The following TSNARE1 variants were observed in gnomAD, a reference collection of about 807,000 sequenced individuals.
TSNARE1 encodes t-SNARE domain-containing protein 1.
In TSNARE1, 49 loss-of-function variants were observed where a neutral mutation model predicts 62.0. The observed-to-expected ratio is 0.79, with a 90% CI of 0.63 to 1.00. The LOEUF (loss-of-function observed/expected upper bound fraction) is 1.00. Among genes scored for constraint, TSNARE1 ranks in the 50% least tolerant of loss-of-function variants. TSNARE1 has a pLI of 0.00. For missense variants in TSNARE1, 755 were observed against 700.1 expected, an observed-to-expected ratio of 1.08 and a Z score of -0.88; for synonymous variants, 328 against 294.4, an observed-to-expected ratio of 1.11 and a Z score of -1.17.
intron 6 of TSNARE1, among the ~76,000 whole-genome samples, chr8:142,321,041 C>T (rs1829412769): frequency 6.6e-6 from 1 of 152,194 alleles, no homozygotes; most frequent in Non-Finnish European, 1.5e-5. Context: ...GCCTCCTTAC[C>T]CAACCTGGCA....
rs1823818902 is a variant in TSNARE1, at chr8:142,291,880, G to T, written c.1291-7395C>A. ...GCCTGCCCAGGGAACTGTGAGGTGTGGGGTGAGGAATGAGGGAGAGGACAG... is the reference window on the plus strand; with the variant it reads ...GCCTGCCCAGGGAACTGTGAGGTGTTGGGTGAGGAATGAGGGAGAGGACAG... On this transcript the variant is annotated intron_variant, in intron 10 of 13. Transcript: ENST00000524325. This position sits in a 1 kb window ranked among gnomAD's most constrained non-coding sequence, Gnocchi z 4.8. 6.6e-6 allele frequency among the ~76,000 whole-genome samples: 1 copy of T among 152,104 alleles called. No individual in the cohort carries two copies. The highest frequency in any genetic ancestry group is 2.4e-5 in the African/African-American group (1 of 41,428).
Position 142,291,718 on chromosome 8 carries a change from G to A in TSNARE1, c.1291-7233C>T, listed in dbSNP as rs1823785020. On this transcript the variant is annotated intron_variant, in intron 10 of 13. Transcript: ENST00000524325. This position sits in a 1 kb window ranked among gnomAD's most constrained non-coding sequence, Gnocchi z 4.8. ...ACGAGAACCCAACAGTGTGTGGGGG[G>A]CGAGCGTGGGAGCGGCAGGGGTTAG... Among the ~76,000 whole-genome samples the A allele has an allele frequency of 6.6e-6, 1 of 152,316 alleles. No homozygotes were observed. Among genetic ancestry groups the A allele is most frequent in the Non-Finnish European group, 1.5e-5 (1 of 68,024 alleles).
chr8:142,367,620 A>G (rs1274519916), intron 1 of TSNARE1, among the ~76,000 whole-genome samples: 1 of 152,232 alleles, frequency 6.6e-6, no homozygotes, highest in Non-Finnish European at 1.5e-5. Flanking sequence ...ATGAATGTAC[A>G]ACACTGTAAG....
At chr8:142,274,150 G>A (rs753391805) in intron 12 of TSNARE1, 77 of 985,374 alleles carry the variant, frequency 7.8e-5, no homozygotes, top group African/African-American at 8.7e-5. Flanking sequence ...ATCTCTGCCC[G>A]TCAGGGCCAG....
chr8:142,357,019 G>T (rs1370671802), intron 1 of TSNARE1, among the ~76,000 whole-genome samples: 3 of 152,072 alleles, frequency 2.0e-5, no homozygotes, highest in Non-Finnish European at 4.4e-5. Flanking sequence ...GAGCTCCAGA[G>T]AAGGGGCAGG....
intron 9 of TSNARE1, among the ~76,000 whole-genome samples, chr8:142,307,861 C>T (rs910456825): frequency 1.3e-5 from 2 of 152,232 alleles, no homozygotes; most frequent in African/African-American, 4.8e-5. Flanking sequence ...GTGCAACCGC[C>T]TGCACGCAGC....
chr8:142,390,282 C>T (rs887901482), intron 1 of TSNARE1, among the ~76,000 whole-genome samples: 17 of 151,828 alleles, frequency 1.1e-4, no homozygotes, highest in Admixed American at 3.3e-4. Flanking sequence ...GTAACAGACG[C>T]TGTACACTGC....
At chr8:142,238,792 T>TACACCCACCCCTGC (rs1817559352) in intron 12 of TSNARE1, among the ~76,000 whole-genome samples, 1 of 47,104 alleles carries the variant, frequency 2.1e-5, no homozygotes, top group Admixed American at 2.5e-4. Context: ...CCTGCCCCTG[T>TACACCCACCCCTGC]ACACCCACCC....
At chr8:142,248,224 A>G (rs545320838) in intron 12 of TSNARE1, among the ~76,000 whole-genome samples, 1 of 152,328 alleles carries the variant, frequency 6.6e-6, no homozygotes, top group African/African-American at 2.4e-5. Flanking sequence ...CCCAGCCTCC[A>G]GTGCTGTGAG....
Position 142,344,367 on chromosome 8 carries a change from C to T in TSNARE1, c.344G>A (p.Gly115Glu), listed in dbSNP as rs1268827585. The change falls in exon 4 of 14, where the codon GGG (glycine) becomes GAG (glutamate). Residue 115 changes from glycine to glutamate, a missense_variant. Coordinates refer to ENST00000524325, the MANE Select transcript of TSNARE1 (RefSeq NM_145003.5). ...SAAGPHGRMA[G>E]PSTTRAKKRK... Reference sequence around the variant, plus strand: ...CTTCTTGGCCCGGGTAGTGCTGGGCCCCGCCATCCGGCCATGGGGCCCAGC... The same window carrying T: ...CTTCTTGGCCCGGGTAGTGCTGGGCTCCGCCATCCGGCCATGGGGCCCAGC... The T allele has an allele frequency of 1.3e-6, 2 of 1,571,088 alleles. No individual in the cohort carries two copies. The highest frequency in any genetic ancestry group is 8.6e-7 in the Non-Finnish European group (1 of 1,162,622).
intron 12 of TSNARE1, among the ~76,000 whole-genome samples, chr8:142,246,141 G>C (rs1817874881): frequency 6.6e-6 from 1 of 152,284 alleles, no homozygotes; most frequent in East Asian, 1.9e-4. Context: ...GGGTCCCAAA[G>C]AGGGTGTCCA....
intron 3 of TSNARE1, among the ~76,000 whole-genome samples, chr8:142,344,686 G>T (rs995321004): frequency 6.6e-6 from 1 of 152,186 alleles, no homozygotes; most frequent in African/African-American, 2.4e-5. Context: ...CAGCAAGCAC[G>T]TAGCTTCTGG....
At chr8:142,232,092 T>A (rs1817143794) in intron 12 of TSNARE1, among the ~76,000 whole-genome samples, 1 of 152,248 alleles carries the variant, frequency 6.6e-6, no homozygotes, top group South Asian at 2.1e-4. Flanking sequence ...TGCCAGACCG[T>A]GGCCTTGAGC....
At chr8:142,322,978 G>A (rs1586799715) in intron 6 of TSNARE1, among the ~76,000 whole-genome samples, 1 of 151,836 alleles carries the variant, frequency 6.6e-6, no homozygotes, top group South Asian at 2.1e-4. Context: ...ATACTATTAT[G>A]AAAGGCCGGT....
chr8:142,305,839 G>A (rs912500617), intron 9 of TSNARE1, among the ~76,000 whole-genome samples: 7 of 152,198 alleles, frequency 4.6e-5, no homozygotes, highest in African/African-American at 1.4e-4. Flanking sequence ...TCAGGGCCTG[G>A]GTCCCTGTTC....
In TSNARE1 at chr8:142,380,899, A is replaced by G. The variant is rs563041283; in HGVS notation, c.-40+22205T>C. ...TTTTAAGAAATAATAAAGGGGGGGGAATGCTGCAAAATCTTCCATTGCCCT... is the reference window on the plus strand; with the variant it reads ...TTTTAAGAAATAATAAAGGGGGGGGGATGCTGCAAAATCTTCCATTGCCCT... On this transcript the variant is annotated intron_variant, in intron 1 of 13. Coordinates refer to ENST00000524325, the MANE Select transcript of TSNARE1 (RefSeq NM_145003.5). Among the ~76,000 whole-genome samples, 13 of 151,630 alleles carry G rather than the reference A, an allele frequency of 8.6e-5. No homozygotes were observed. The South Asian group carries it at 2.7e-3, about 32-fold the overall frequency.
At chr8:142,399,830 A>T (rs539451563) in intron 1 of TSNARE1, among the ~76,000 whole-genome samples, 18 of 152,342 alleles carry the variant, frequency 1.2e-4, no homozygotes, top group African/African-American at 4.1e-4. Flanking sequence ...CACAAGGTCA[A>T]AGTCTACTTG....
At chr8:142,403,292 G>C (rs1195105731), upstream of TSNARE1, 2 of 151,892 alleles carry the variant, frequency 1.3e-5, no homozygotes, top group East Asian at 3.9e-4. Context: ...GCGCGGAGCC[G>C]GAAGCGGCGC....
intron 11 of TSNARE1, chr8:142,276,240 C>A (rs533837154): frequency 1.0e-6 from 1 of 985,312 alleles, no homozygotes; most frequent in East Asian, 1.1e-4. Context: ...GAGCAAAGCA[C>A]CCCTTTGCTC....
Sources: gnomAD v4.1 joint callset for allele counts (sites outside exome capture counted in the v4.1 genomes callset) on GRCh38, gnomAD v4.1.1 for gene constraint, Gnocchi (gnomAD v3.1) non-coding constraint, MANE v1.5 for transcripts, NCBI Gene and HGNC (gene_info 2026-07-23, HGNC 2026-07-21) for gene names.